The following NEGR1 variants were observed in gnomAD, a reference collection of about 807,000 sequenced individuals.
The protein encoded by NEGR1 is IgLON family member 4.
NEGR1 carries 10 observed loss-of-function variants against 40.9 expected under a neutral mutation model. The observed-to-expected ratio is 0.24, with a 90% CI of 0.15 to 0.42. The LOEUF (loss-of-function observed/expected upper bound fraction) is 0.42. Among genes scored for constraint, NEGR1 ranks in the 10% least tolerant of loss-of-function variants. The probability of loss-of-function intolerance (pLI) is 1.00; values close to 1 mark genes in which losing one functional copy is unlikely to be tolerated. For synonymous variants in NEGR1, 185 were observed against 166.8 expected (o/e 1.11, Z -0.84); for missense variants, 352 against 438.9 (o/e 0.80, Z 1.77).
At chr1:71,873,118 CAAAAAAAAAA>C (rs34592789) in intron 2 of NEGR1, among the ~76,000 whole-genome samples, 1 of 81,846 alleles carries the variant, frequency 1.2e-5, no homozygotes, top group East Asian at 3.7e-4. Context: ...AAAGATGTAG[CAAAAAAAAAA>C]AAAAAAAAAA....
At chr1:71,802,296 G>A (rs1212366725) in intron 2 of NEGR1, among the ~76,000 whole-genome samples, 1 of 152,182 alleles carries the variant, frequency 6.6e-6, no homozygotes, top group Non-Finnish European at 1.5e-5. Flanking sequence ...GTTCTGGAAG[G>A]GACAACAAAG....
intron 4 of NEGR1, among the ~76,000 whole-genome samples, chr1:71,630,888 A>T (rs1045603267): frequency 6.6e-6 from 1 of 151,922 alleles, no homozygotes; most frequent in African/African-American, 2.4e-5. Context: ...ACTTTCATGC[A>T]TATTAGTTAT....
At chr1:72,080,182 T>C (rs546360499) in intron 1 of NEGR1, among the ~76,000 whole-genome samples, 34 of 152,254 alleles carry the variant, frequency 2.2e-4, no homozygotes, top group Admixed American at 1.6e-3. Flanking sequence ...ATCCCTCTAA[T>C]AATCTACAAT....
chr1:72,125,804 A>G (rs1048403486), intron 1 of NEGR1, among the ~76,000 whole-genome samples: 2 of 152,184 alleles, frequency 1.3e-5, no homozygotes, highest in Admixed American at 1.3e-4. Flanking sequence ...ATTGAAAGTA[A>G]TTAATATTCT....
At chr1:71,586,476 C>T (rs960055171) in intron 6 of NEGR1, among the ~76,000 whole-genome samples, 2 of 152,142 alleles carry the variant, frequency 1.3e-5, no homozygotes, top group African/African-American at 4.8e-5. Context: ...GGTTTCATTG[C>T]TTAAGAAAGT....
chr1:71,480,853 C>G (rs1210018319), intron 6 of NEGR1, among the ~76,000 whole-genome samples: 2 of 151,664 alleles, frequency 1.3e-5, no homozygotes, highest in Non-Finnish European at 2.9e-5. Flanking sequence ...ATACTTATTC[C>G]TAGTATATAA....
intron 1 of NEGR1, among the ~76,000 whole-genome samples, chr1:72,179,657 G>T (rs1652294521): frequency 6.6e-6 from 1 of 151,926 alleles, no homozygotes; most frequent in South Asian, 2.1e-4. Flanking sequence ...AAAGTACTAG[G>T]CATTTTATTC....
intron 3 of NEGR1, among the ~76,000 whole-genome samples, chr1:71,772,408 A>G (rs867585742): frequency 4.1e-5 from 6 of 146,340 alleles, no homozygotes; most frequent in Non-Finnish European, 7.5e-5. Context: ...CATCTCCAAA[A>G]AACAAGGAGG....
At chr1:71,677,954 A>T (rs757899675) in intron 4 of NEGR1, among the ~76,000 whole-genome samples, 1 of 152,164 alleles carries the variant, frequency 6.6e-6, no homozygotes, top group Non-Finnish European at 1.5e-5. Context: ...ATTATAACTT[A>T]TCTATTTTAA....
intron 1 of NEGR1, among the ~76,000 whole-genome samples, chr1:72,071,376 T>C (rs961750747): frequency 2.0e-5 from 3 of 152,092 alleles, no homozygotes; most frequent in Admixed American, 6.6e-5. Context: ...TTCCAGCCTA[T>C]AAAATATTCA....
chr1:71,535,496 T>C (rs1377536429), intron 6 of NEGR1, among the ~76,000 whole-genome samples: 1 of 151,758 alleles, frequency 6.6e-6, no homozygotes, highest in Non-Finnish European at 1.5e-5. Context: ...AAAAATTATG[T>C]TGCGTGCAGG....
chr1:71,688,274 G>A (rs1449519974), intron 4 of NEGR1, among the ~76,000 whole-genome samples: 13 of 128,540 alleles, frequency 1.0e-4, no homozygotes, highest in African/African-American at 2.1e-4. Context: ...TACATTGCCC[G>A]GAAAACAAAG....
At chr1:72,065,162 A>G (rs1288189925) in intron 1 of NEGR1, among the ~76,000 whole-genome samples, 1 of 152,082 alleles carries the variant, frequency 6.6e-6, no homozygotes, top group Non-Finnish European at 1.5e-5. Context: ...GCCATAAACA[A>G]CTTTTCATTT....
intron 5 of NEGR1, among the ~76,000 whole-genome samples, chr1:71,602,094 C>T (rs1649939384): frequency 6.6e-6 from 1 of 152,064 alleles, no homozygotes; most frequent in Admixed American, 6.5e-5. Flanking sequence ...ACATTTAAGA[C>T]CCTCCAAGTC....
intron 1 of NEGR1, among the ~76,000 whole-genome samples, chr1:71,944,328 T>C (rs1031603245): frequency 1.3e-5 from 2 of 152,084 alleles, no homozygotes; most frequent in African/African-American, 4.8e-5. Flanking sequence ...TGCAATCAGA[T>C]CCAGAGAAAT....
intron 2 of NEGR1, among the ~76,000 whole-genome samples, chr1:71,842,805 G>A (rs141091341): frequency 1.2e-3 from 189 of 152,116 alleles, no homozygotes; most frequent in African/African-American, 4.2e-3. Context: ...CATCATTATC[G>A]TATATCTTAA....
At chr1:71,930,820 T>G (rs1266641835) in intron 2 of NEGR1, among the ~76,000 whole-genome samples, 1 of 152,180 alleles carries the variant, frequency 6.6e-6, no homozygotes, top group East Asian at 1.9e-4. Context: ...GAAGTAGAGC[T>G]GCAATGGAGT....
intron 1 of NEGR1, among the ~76,000 whole-genome samples, chr1:72,037,581 G>A (rs1208398910): frequency 6.6e-6 from 1 of 152,046 alleles, no homozygotes; most frequent in Non-Finnish European, 1.5e-5. Flanking sequence ...AACTGCCTTC[G>A]TTGTCATTTT....
At chr1:71,633,135 C>T (rs1433644696) in intron 4 of NEGR1, among the ~76,000 whole-genome samples, 1 of 152,024 alleles carries the variant, frequency 6.6e-6, no homozygotes. Context: ...ATATGTAACA[C>T]TCTCAGTTTT....
Sources: allele counts gnomAD v4.1 joint callset (sites outside exome capture counted in the v4.1 genomes callset), GRCh38; gene constraint gnomAD v4.1.1; transcripts MANE v1.5; gene names NCBI Gene and HGNC (gene_info 2026-07-23, HGNC 2026-07-21).